Variants in MYO16 observed in about 807,000 individuals in gnomAD.
The protein encoded by MYO16 is myosin XVI.
Under a neutral mutation model 205.3 loss-of-function variants are expected in MYO16, and 94 were observed. The observed-to-expected ratio is 0.46, with a 90% CI of 0.39 to 0.54. The LOEUF (loss-of-function observed/expected upper bound fraction) is 0.54, where lower values mean the gene tolerates loss of function less well. Among genes scored for constraint, MYO16 ranks in the 20% least tolerant of loss-of-function variants. The pLI is 0.00. For synonymous variants in MYO16, 988 were observed against 954.0 expected, an observed-to-expected ratio of 1.04 and a Z score of -0.66; for missense variants, 2,315 against 2,387.5, an observed-to-expected ratio of 0.97 and a Z score of 0.63.
intron 34 of MYO16, among the ~76,000 whole-genome samples, chr13:109,180,259 A>G (rs549338768): frequency 1.3e-5 from 2 of 152,248 alleles, no homozygotes; most frequent in Non-Finnish European, 2.9e-5. Context: ...GAAGAAAAAA[A>G]GAACCCATTT....
intron 5 of MYO16, among the ~76,000 whole-genome samples, chr13:108,789,531 T>C (rs1886553880): frequency 6.6e-6 from 1 of 152,130 alleles, no homozygotes; most frequent in African/African-American, 2.4e-5. Context: ...TCATACATAG[T>C]TGGGGTTACA....
chr13:108,965,127 A>C (rs900772258), intron 20 of MYO16, among the ~76,000 whole-genome samples: 5 of 152,220 alleles, frequency 3.3e-5, no homozygotes, highest in African/African-American at 4.8e-5. Context: ...TGAATTAATA[A>C]TTTCCTATGC....
At chr13:109,160,401 CTT>C (rs1240368394) in intron 32 of MYO16, among the ~76,000 whole-genome samples, 1 of 152,340 alleles carries the variant, frequency 6.6e-6, no homozygotes, top group East Asian at 1.9e-4. Context: ...AAGGCCAAGA[CTT>C]TATTTTTGAG....
intron 15 of MYO16, among the ~76,000 whole-genome samples, chr13:108,904,636 G>A (rs1880872579): frequency 6.6e-6 from 1 of 152,036 alleles, no homozygotes; most frequent in Admixed American, 6.6e-5. Flanking sequence ...AAAGTATTTT[G>A]TAGGGCTATA....
At position 109,141,291 on chromosome 13, in the gene MYO16, C is replaced by T. The variant is rs769755029; in HGVS notation, c.5079C>T (p.Pro1693=). 2.5e-6 allele frequency: 4 copies of T among 1,597,282 alleles called. No individual in the cohort carries two copies. Among genetic ancestry groups the T allele is most frequent in the South Asian group, 2.2e-5 (2 of 89,702 alleles). The part of the protein sequence containing the change: ...SPPSSRPLSS[P]LDELASLFNS... ...CCAGCTCCAGGCCTCTCAGCAGCCC[C>T]CTGGACGAGCTCGCCAGCCTCTTCA... The change falls in exon 32 of 35, where the codon CCC becomes CCT. Residue 1693 remains proline, a synonymous_variant. Transcript: ENST00000457511. This position sits in a 1 kb window ranked among gnomAD's most constrained non-coding sequence, Gnocchi z 4.1.
intron 1 of MYO16, among the ~76,000 whole-genome samples, chr13:108,638,086 A>AT (rs1172454009): frequency 1.3e-5 from 2 of 152,096 alleles, no homozygotes; most frequent in Non-Finnish European, 2.9e-5. Context: ...TTGAGGGGTA[A>AT]TTTTAAATAG....
chr13:108,546,100 G>A, the MYO16 span, among the ~76,000 whole-genome samples: 1 of 152,264 alleles, frequency 6.6e-6, no homozygotes, highest in Non-Finnish European at 1.5e-5. Context: ...ACCCTCATGG[G>A]TATAAGGCCC....
chr13:109,049,817 C>A (rs1887180879), intron 24 of MYO16, among the ~76,000 whole-genome samples: 1 of 151,908 alleles, frequency 6.6e-6, no homozygotes. Flanking sequence ...AAAGTACTCC[C>A]AGGTATCCTC....
chr13:108,814,390 T>C (rs1887386104), intron 7 of MYO16, among the ~76,000 whole-genome samples: 1 of 152,128 alleles, frequency 6.6e-6, no homozygotes, highest in African/African-American at 2.4e-5. Flanking sequence ...TGCCTTAATT[T>C]TTCCCTACCT....
chr13:109,195,844 A>G (rs1199248111), intron 34 of MYO16, among the ~76,000 whole-genome samples: 1 of 152,228 alleles, frequency 6.6e-6, no homozygotes, highest in South Asian at 2.1e-4. Flanking sequence ...ATTTATTAAT[A>G]TGATCCACAG....
rs767345357 is a variant in MYO16 at position 109,140,965 on chromosome 13, G to C, written c.4753G>C (p.Gly1585Arg). ...PASPGLALFN[G>R]SGRASPPSTP... The stretch of plus-strand genomic sequence containing the variant: ...GTCCCCCGGCCTGGCGCTGTTCAAC[G>C]GGTCCGGCCGAGCCTCCCCGCCGTC... Residue 1585 changes from glycine to arginine, a missense_variant, in exon 32 of 35, where the codon GGG becomes CGG. By Grantham distance (125) the Gly-to-Arg change is moderately radical (BLOSUM62 -2). Transcript: ENST00000457511. This position sits in a 1 kb window ranked among gnomAD's most constrained non-coding sequence, Gnocchi z 8.0. 29 of 1,466,534 alleles carry C rather than the reference G, an allele frequency of 2.0e-5. No individual in the cohort carries two copies. Among genetic ancestry groups the C allele is most frequent in the Non-Finnish European group, 2.4e-5 (26 of 1,105,830 alleles). The allele number at this position is 1,466,534 out of a possible 1,614,324, so 90.8% of individuals were successfully genotyped here. A position where few individuals can be genotyped will look rare whatever the true frequency, so the allele number is the denominator to read the frequency against.
Position 108,757,870 on chromosome 13 carries a change from G to A in MYO16, c.508-27765G>A, listed in dbSNP as rs573188711. Among the ~76,000 whole-genome samples the A allele has an allele frequency of 3.3e-5, 5 of 152,294 alleles. No homozygotes were observed. The South Asian group carries it at 6.2e-4, about 19-fold the overall frequency. On this transcript the variant is annotated intron_variant, in intron 4 of 34. Transcript: ENST00000457511. ...TTCATATGAGGGCAATGCTACAAACGGAGTCCTGTGGATATGTATGCGACA... is the reference window on the plus strand; with the variant it reads ...TTCATATGAGGGCAATGCTACAAACAGAGTCCTGTGGATATGTATGCGACA...
intron 15 of MYO16, among the ~76,000 whole-genome samples, chr13:108,903,514 A>C (rs1880814334): frequency 6.6e-6 from 1 of 152,176 alleles, no homozygotes; most frequent in African/African-American, 2.4e-5. Context: ...AGACTTCAAT[A>C]TGTATATGTA....
chr13:109,141,884 G>T lies in MYO16; in HGVS notation c.5164+508G>T, dbSNP rs7988116. Reference sequence around the variant, plus strand: ...ACTACCCTGCGCTTAATGCCACTCGGCTGTGGGCTGTTTGGGATGAACTGC... The same window carrying T: ...ACTACCCTGCGCTTAATGCCACTCGTCTGTGGGCTGTTTGGGATGAACTGC... On this transcript the variant is annotated intron_variant, in intron 32 of 34. Transcript: ENST00000457511. This position sits in a 1 kb window ranked among gnomAD's most constrained non-coding sequence, Gnocchi z 4.1. Among the ~76,000 whole-genome samples the T allele has an allele frequency of 0.26, 39,485 of 151,934 alleles. 5,492 individuals carry two copies. Among genetic ancestry groups the T allele is most frequent in the Non-Finnish European group, 0.3 (20,712 of 67,948 alleles).
At chr13:108,904,523 A>G (rs925518925) in intron 15 of MYO16, among the ~76,000 whole-genome samples, 4 of 152,176 alleles carry the variant, frequency 2.6e-5, no homozygotes, top group Non-Finnish European at 4.4e-5. Flanking sequence ...TGTGTGACAT[A>G]CAAGTCAGTT....
chr13:109,120,644 GT>G (rs1435450978), intron 29 of MYO16, among the ~76,000 whole-genome samples, 178 bp downstream of exon 29: 6 of 152,212 alleles, frequency 3.9e-5, no homozygotes, highest in Non-Finnish European at 8.8e-5. Context: ...TTGTGGCTTA[GT>G]TTGCTATGCA....
At chr13:109,135,679 AG>A (rs1184421845) in intron 31 of MYO16, among the ~76,000 whole-genome samples, 1 of 152,190 alleles carries the variant, frequency 6.6e-6, no homozygotes, top group Admixed American at 6.5e-5. Context: ...GAGAGACCAA[AG>A]TTTCTTCATT....
At chr13:108,788,901 C>G (rs1380891619) in intron 5 of MYO16, among the ~76,000 whole-genome samples, 1 of 152,172 alleles carries the variant, frequency 6.6e-6, no homozygotes, top group Non-Finnish European at 1.5e-5. Context: ...AGGTTTCCTT[C>G]GAATGCTTCC....
intron 1 of MYO16, among the ~76,000 whole-genome samples, chr13:108,644,553 G>A (rs1399003362): frequency 6.6e-6 from 1 of 152,110 alleles, no homozygotes; most frequent in Non-Finnish European, 1.5e-5. Context: ...CCCATAGTCT[G>A]TTTACATTTC....
Sources: gnomAD v4.1 joint callset for allele counts (sites outside exome capture counted in the v4.1 genomes callset) on GRCh38, gnomAD v4.1.1 for gene constraint, Gnocchi (gnomAD v3.1) non-coding constraint, MANE v1.5 for transcripts, NCBI Gene and HGNC (gene_info 2026-07-23, HGNC 2026-07-21) for gene names.